NEK7: variants seen among roughly 807,000 people sequenced by gnomAD.
The protein encoded by NEK7 is serine/threonine-protein kinase Nek7.
NEK7 carries 18 observed loss-of-function variants against 44.6 expected under a neutral mutation model. That is an observed-to-expected ratio of 0.40 (90% CI 0.28 to 0.60). NEK7 has a LOEUF of 0.60. Ranked by LOEUF, NEK7 falls within the 20% of genes least tolerant of loss-of-function variation. NEK7 has a pLI of 0.38. For synonymous variants in NEK7, 130 were observed against 121.1 expected (o/e 1.07, Z -0.48); for missense variants, 256 against 366.5 (o/e 0.70, Z 2.46).
chr1:198,227,218 A>G (rs906546942), intron 1 of NEK7, among the ~76,000 whole-genome samples: 17 of 152,140 alleles, frequency 1.1e-4, no homozygotes, highest in African/African-American at 3.1e-4. Context: ...TTACGGCTGC[A>G]TAGTATTTCA....
At chr1:198,193,527 T>C (rs1033414402) in intron 1 of NEK7, among the ~76,000 whole-genome samples, 7 of 152,108 alleles carry the variant, frequency 4.6e-5, no homozygotes, top group African/African-American at 1.7e-4. Flanking sequence ...TTCAGGCCAA[T>C]ATGCCCGATG....
chr1:198,253,311 A>G (rs1653138891), intron 3 of NEK7, 131 bp downstream of exon 3: 2 of 586,562 alleles, frequency 3.4e-6, no homozygotes, highest in Non-Finnish European at 2.9e-6. Flanking sequence ...TGAACGTTGT[A>G]TTTTAAAAGC....
chr1:198,163,134 A>G (rs1664157984), intron 1 of NEK7, among the ~76,000 whole-genome samples: 1 of 152,126 alleles, frequency 6.6e-6, no homozygotes, highest in Admixed American at 6.5e-5. Context: ...AAATTGTTAT[A>G]CTTCTAAAAT....
intron 1 of NEK7, among the ~76,000 whole-genome samples, chr1:198,185,693 G>A (rs1297992592): frequency 2.6e-5 from 4 of 152,152 alleles, no homozygotes; most frequent in Non-Finnish European, 5.9e-5. Context: ...GTGCTGCCTG[G>A]AATGTCCTCT....
intron 7 of NEK7, among the ~76,000 whole-genome samples, chr1:198,286,412 AG>A (rs1654369759): frequency 4.7e-5 from 7 of 149,062 alleles, no homozygotes; most frequent in Non-Finnish European, 1.0e-4. Context: ...GTGAGCTTTT[AG>A]AGGTCACACT....
At chr1:198,268,461 CT>C (rs1397673905) in intron 5 of NEK7, among the ~76,000 whole-genome samples, 1 of 151,982 alleles carries the variant, frequency 6.6e-6, no homozygotes, top group African/African-American at 2.4e-5. Flanking sequence ...TTCTAAATGC[CT>C]TTCAAATTTC....
In NEK7 at chr1:198,229,367, C is replaced by T. The variant is rs371819610; in HGVS notation, c.-28-3186C>T. Among the ~76,000 whole-genome samples the T allele has an allele frequency of 1.2e-4, 18 of 152,120 alleles. No homozygotes were observed. In the East Asian group the frequency reaches 1.9e-3, roughly 16 times the overall value. Reference sequence around the variant, plus strand: ...ATATTCTTTATAATAGACTGGTAAACGTATTTCCCCTCCTGAGGTCTGTGA... The same window carrying T: ...ATATTCTTTATAATAGACTGGTAAATGTATTTCCCCTCCTGAGGTCTGTGA... On this transcript the variant is annotated intron_variant, in intron 1 of 9. Transcript: ENST00000367385.
At position 198,182,788 on chromosome 1, in the gene NEK7, GA is replaced by G. The variant is rs954323607; in HGVS notation, c.-29+25520del. ...TGTACTCTGAGAAGGCTTATTATGG[GA>G]AAAAAAACTGTGTTGGATATAATGG... On this transcript the variant is annotated intron_variant, in intron 1 of 9. Coordinates refer to ENST00000367385, the MANE Select transcript of NEK7 (RefSeq NM_133494.3). Among the ~76,000 whole-genome samples the G allele has an allele frequency of 8.9e-4, 135 of 151,832 alleles. 1 individual carries two copies. The highest frequency in any genetic ancestry group is 3.4e-3 in the Middle Eastern group (1 of 294).
intron 2 of NEK7, among the ~76,000 whole-genome samples, chr1:198,250,539 A>C (rs1652909348): frequency 7.0e-6 from 1 of 143,348 alleles, no homozygotes. Flanking sequence ...ATTTGTTTGT[A>C]TCCTCTTTTA....
At chr1:198,312,896 T>C (rs887616067) in intron 9 of NEK7, among the ~76,000 whole-genome samples, 1 of 152,212 alleles carries the variant, frequency 6.6e-6, no homozygotes, top group Non-Finnish European at 1.5e-5. Context: ...GGCGTGGTGC[T>C]GAAAAAAATG....
At chr1:198,278,288 GTAAGA>G (rs1654083470) in intron 6 of NEK7, among the ~76,000 whole-genome samples, 18 of 151,518 alleles carry the variant, frequency 1.2e-4, no homozygotes, top group African/African-American at 4.1e-4. Flanking sequence ...TTACTAACCA[GTAAGA>G]TGCTGTTGGT....
intron 3 of NEK7, among the ~76,000 whole-genome samples, chr1:198,259,828 T>C (rs902204618): frequency 9.6e-5 from 14 of 145,450 alleles, no homozygotes; most frequent in Non-Finnish European, 1.5e-4. Flanking sequence ...CACACACACA[T>C]ATATATTTTC....
intron 2 of NEK7, among the ~76,000 whole-genome samples, chr1:198,248,967 G>T (rs1164380814): frequency 6.6e-6 from 1 of 151,508 alleles, no homozygotes; most frequent in Non-Finnish European, 1.5e-5. Flanking sequence ...GTATACATGT[G>T]CCATGCTGGT....
intron 2 of NEK7, among the ~76,000 whole-genome samples, chr1:198,239,497 CAG>C (rs1666627860): frequency 1.3e-5 from 2 of 151,974 alleles, no homozygotes; most frequent in Non-Finnish European, 2.9e-5. Flanking sequence ...GGTTTTATGA[CAG>C]AGATCCTAAG....
At chr1:198,302,099 A>G (rs898206075) in intron 9 of NEK7, among the ~76,000 whole-genome samples, 7 of 152,150 alleles carry the variant, frequency 4.6e-5, no homozygotes, top group Admixed American at 6.5e-5. Flanking sequence ...TTTCACCTTA[A>G]ATTTCTGTTC....
chr1:198,158,959 G>A (rs190792660), intron 1 of NEK7, among the ~76,000 whole-genome samples: 300 of 152,230 alleles, frequency 2.0e-3, no homozygotes, highest in Non-Finnish European at 2.6e-3. Context: ...TATGGGGTGA[G>A]AGGAAGGCCT....
intron 3 of NEK7, among the ~76,000 whole-genome samples, chr1:198,256,856 CA>C (rs1438467061): frequency 3.3e-5 from 5 of 152,240 alleles, no homozygotes; most frequent in Admixed American, 2.6e-4. Flanking sequence ...GGAAGATTAT[CA>C]AAAACTTATT....
chr1:198,317,893 T>TTTA (rs1553258454), intron 9 of NEK7, among the ~76,000 whole-genome samples: 2 of 147,146 alleles, frequency 1.4e-5, no homozygotes, highest in Non-Finnish European at 3.0e-5. Context: ...TTTTTTTTTT[T>TTTA]TTTTTTTGGT....
At chr1:198,240,939 C>T (rs1216268392) in intron 2 of NEK7, among the ~76,000 whole-genome samples, 4 of 152,174 alleles carry the variant, frequency 2.6e-5, no homozygotes, top group East Asian at 1.9e-4. Flanking sequence ...GTGATCCACC[C>T]GCCTTGGCCT....
Sources: gnomAD v4.1 joint callset for allele counts (sites outside exome capture counted in the v4.1 genomes callset) on GRCh38, gnomAD v4.1.1 for gene constraint, MANE v1.5 for transcripts, NCBI Gene and HGNC (gene_info 2026-07-23, HGNC 2026-07-21) for gene names.